Variants in DENND2B observed in about 807,000 individuals in gnomAD.
DENND2B encodes the protein DENN domain containing 2B.
DENND2B carries 32 observed loss-of-function variants against 116.0 expected under a neutral mutation model. The ratio of observed to expected loss-of-function variants is 0.28; its 90% CI spans 0.21 to 0.37. The LOEUF (loss-of-function observed/expected upper bound fraction) is 0.37, where lower values mean the gene tolerates loss of function less well. Ranked by LOEUF, DENND2B falls within the 10% of genes least tolerant of loss-of-function variation. The probability of loss-of-function intolerance (pLI) is 1.00; values close to 1 mark genes in which losing one functional copy is unlikely to be tolerated. For missense variants in DENND2B, 1,276 were observed against 1,477.7 expected, an observed-to-expected ratio of 0.86 and a Z score of 2.24; for synonymous variants, 588 against 583.9, an observed-to-expected ratio of 1.01 and a Z score of -0.10.
chr11:8,715,509 T>G, intron 6 of DENND2B, 94 bp downstream of exon 6: 1 of 1,314,744 alleles, frequency 7.6e-7, no homozygotes, highest in Non-Finnish European at 1.1e-6. Context: ...GCAGTCCAGA[T>G]TAGGGAAGGA....
At chr11:8,853,675 G>C (rs1008596453) in intron 3 of DENND2B, among the ~76,000 whole-genome samples, 2 of 151,940 alleles carry the variant, frequency 1.3e-5, no homozygotes, top group Non-Finnish European at 2.9e-5. Context: ...AAATAAGATA[G>C]AATAAAAAAC....
chr11:8,694,618 A>G, intron 19 of DENND2B: 2 of 456,490 alleles, frequency 4.4e-6, no homozygotes, highest in Non-Finnish European at 4.4e-6. Flanking sequence ...CTCCATATCC[A>G]TGAGTTCTGC....
chr11:8,832,459 A>G (rs1055123229), intron 4 of DENND2B: 5 of 127,208 alleles, frequency 3.9e-5, no homozygotes, highest in Non-Finnish European at 8.1e-5. Flanking sequence ...TCCAAAAAAA[A>G]AAAAAAAAAA....
chr11:8,754,069 C>T (rs1593193030), intron 1 of DENND2B, among the ~76,000 whole-genome samples: 1 of 91,900 alleles, frequency 1.1e-5, no homozygotes, highest in East Asian at 3.8e-4. Flanking sequence ...ACACAAAGGA[C>T]ATGAATTGTA....
chr11:8,905,314 T>C (rs1419663864), intron 1 of DENND2B, among the ~76,000 whole-genome samples: 1 of 152,192 alleles, frequency 6.6e-6, no homozygotes, highest in Non-Finnish European at 1.5e-5. Context: ...TTTATACAAA[T>C]GATACTGAGA....
intron 1 of DENND2B, among the ~76,000 whole-genome samples, chr11:8,804,568 G>A (rs377451120): frequency 1.6e-3 from 123 of 79,120 alleles, no homozygotes; most frequent in African/African-American, 4.3e-3. Flanking sequence ...TTTTTGAGAC[G>A]AAGTCTTGCT....
Position 8,702,298 on chromosome 11 carries a change from A to G in DENND2B, c.2720+274T>C, listed in dbSNP as rs1334160327. ...CCTTTACATATCCCGGCACCTGCAC[A>G]GTCTTGGCTGTTGCAAAGGAAGAAA... On this transcript the variant is annotated intron_variant, in intron 14 of 19. Coordinates refer to ENST00000313726, the MANE Select transcript of DENND2B (RefSeq NM_213618.2). The surrounding 1 kb of genome is among the most constrained non-coding windows in gnomAD (Gnocchi z 4.6). 6.6e-6 allele frequency among the ~76,000 whole-genome samples: 1 copy of G among 152,170 alleles called. No individual in the cohort carries two copies. Among genetic ancestry groups the G allele is most frequent in the Non-Finnish European group, 1.5e-5 (1 of 68,038 alleles).
At chr11:8,793,604 T>A (rs1271036577) in intron 1 of DENND2B, among the ~76,000 whole-genome samples, 7 of 152,250 alleles carry the variant, frequency 4.6e-5, no homozygotes, top group Non-Finnish European at 1.5e-5. Context: ...TACATTTTGT[T>A]TATTCGTCAG....
intron 1 of DENND2B, among the ~76,000 whole-genome samples, chr11:8,807,613 C>T (rs925402781): frequency 7.9e-5 from 12 of 152,026 alleles, no homozygotes; most frequent in Non-Finnish European, 1.2e-4. Flanking sequence ...GTACAGGAAG[C>T]GGAGTAGAAG....
intron 19 of DENND2B, 28 bp downstream of exon 19, chr11:8,695,435 C>G: frequency 1.3e-6 from 2 of 1,597,958 alleles, no homozygotes; most frequent in South Asian, 2.2e-5. Context: ...TGCTGAACAT[C>G]TATCTCATCA....
intron 1 of DENND2B, among the ~76,000 whole-genome samples, chr11:8,889,770 G>T (rs541878997): frequency 6.6e-6 from 1 of 152,202 alleles, no homozygotes; most frequent in Non-Finnish European, 1.5e-5. Context: ...GGAGTCCACC[G>T]CAGCTCAAGG....
At chr11:8,865,387 G>A (rs1236146010) in intron 2 of DENND2B, among the ~76,000 whole-genome samples, 1 of 152,142 alleles carries the variant, frequency 6.6e-6, no homozygotes, top group African/African-American at 2.4e-5. Flanking sequence ...CAGTTTGAAA[G>A]CTCTAATTGC....
At chr11:8,766,815 G>A in intron 1 of DENND2B, 1 of 502,902 alleles carries the variant, frequency 2.0e-6, no homozygotes, top group East Asian at 7.1e-5. Context: ...ATGTGACAGA[G>A]GACAAGAATA....
chr11:8,887,563 A>G (rs2063975984), intron 1 of DENND2B, among the ~76,000 whole-genome samples: 2 of 152,196 alleles, frequency 1.3e-5, no homozygotes, highest in Admixed American at 6.5e-5. Context: ...TCTGTCTTGC[A>G]TAAAGTCTAC....
chr11:8,887,356 G>C (rs913691881), intron 1 of DENND2B, among the ~76,000 whole-genome samples: 5 of 152,092 alleles, frequency 3.3e-5, no homozygotes, highest in Admixed American at 3.3e-4. Flanking sequence ...AGAGAACCAG[G>C]TTTAGAATCA....
intron 9 of DENND2B, 122 bp from the exon 10 acceptor site, chr11:8,711,353 C>G (rs2133797254): frequency 4.0e-6 from 3 of 741,702 alleles, no homozygotes; most frequent in South Asian, 1.6e-5. Context: ...TCTCAGCAAC[C>G]CTTGTCCCAC....
At chr11:8,903,022 G>A (rs528105636) in intron 1 of DENND2B, among the ~76,000 whole-genome samples, 3 of 152,164 alleles carry the variant, frequency 2.0e-5, no homozygotes, top group Non-Finnish European at 2.9e-5. Flanking sequence ...ACCACACCCA[G>A]CTAATTTTTG....
chr11:8,837,078 G>A (rs1453793194), intron 4 of DENND2B, among the ~76,000 whole-genome samples: 1 of 152,002 alleles, frequency 6.6e-6, no homozygotes, highest in Non-Finnish European at 1.5e-5. Flanking sequence ...AAATACTTTG[G>A]AGATTGTCTT....
chr11:8,710,964 A>T, intron 10 of DENND2B, 50 bp from the exon 11 acceptor site: 1 of 1,605,520 alleles, frequency 6.2e-7, no homozygotes, highest in Non-Finnish European at 8.5e-7. Context: ...GGACCTAGGA[A>T]ACAGCCCCCA....
Sources: allele counts gnomAD v4.1 joint callset (sites outside exome capture counted in the v4.1 genomes callset), GRCh38; gene constraint gnomAD v4.1.1; non-coding constraint Gnocchi (gnomAD v3.1); transcripts MANE v1.5; gene names NCBI Gene and HGNC (gene_info 2026-07-23, HGNC 2026-07-21).